Variants in MSRA observed in about 807,000 individuals in gnomAD.
MSRA encodes the protein mitochondrial peptide methionine sulfoxide reductase.
A neutral mutation model predicts 31.3 loss-of-function variants in MSRA; 54 were observed. The ratio of observed to expected loss-of-function variants is 1.73; its 90% CI spans 1.39 to 2.17. The LOEUF (loss-of-function observed/expected upper bound fraction) is 2.17. Among genes scored for constraint, MSRA ranks in the 30% most tolerant of loss-of-function variants. The pLI is 0.00. For missense variants in MSRA, 507 were observed against 300.9 expected, an observed-to-expected ratio of 1.69 and a Z score of -5.07; for synonymous variants, 169 against 116.5, an observed-to-expected ratio of 1.45 and a Z score of -2.90.
chr8:10,234,962 C>T (rs563449881), intron 2 of MSRA, among the ~76,000 whole-genome samples: 1 of 152,136 alleles, frequency 6.6e-6, no homozygotes, highest in Middle Eastern at 3.4e-3. Context: ...TCAAAAAATT[C>T]ACAATCACAG....
intron 2 of MSRA, among the ~76,000 whole-genome samples, chr8:10,241,171 T>A (rs1229319416): frequency 6.6e-6 from 1 of 152,182 alleles, no homozygotes. Context: ...TGCAGTGTGC[T>A]TCATTATCAC....
intron 1 of MSRA, among the ~76,000 whole-genome samples, chr8:10,089,551 G>A (rs1260997855): frequency 6.6e-6 from 1 of 152,200 alleles, no homozygotes; most frequent in Non-Finnish European, 1.5e-5. Context: ...AAACCACAGC[G>A]GGTAGACGAG....
chr8:10,095,050 A>T (rs533064221), intron 1 of MSRA, among the ~76,000 whole-genome samples: 1 of 152,244 alleles, frequency 6.6e-6, no homozygotes, highest in Admixed American at 6.5e-5. Context: ...TCCATAGGAT[A>T]AAGCATGACA....
At chr8:10,273,109 G>C (rs2129101805) in intron 3 of MSRA, among the ~76,000 whole-genome samples, 1 of 152,270 alleles carries the variant, frequency 6.6e-6, no homozygotes, top group East Asian at 1.9e-4. Flanking sequence ...GCATATTTGA[G>C]ACTACAGATA....
chr8:10,133,111 G>A (rs1585221708), intron 1 of MSRA, among the ~76,000 whole-genome samples: 1 of 152,196 alleles, frequency 6.6e-6, no homozygotes, highest in Non-Finnish European at 1.5e-5. Context: ...CTGGGAAGTG[G>A]TCTGGTTCCT....
At chr8:10,148,008 T>A (rs1400845666) in intron 1 of MSRA, among the ~76,000 whole-genome samples, 1 of 152,172 alleles carries the variant, frequency 6.6e-6, no homozygotes, top group Non-Finnish European at 1.5e-5. Context: ...ACCTGTGCAC[T>A]TGGCCACAGT....
intron 5 of MSRA, among the ~76,000 whole-genome samples, chr8:10,370,388 C>T (rs1241814627): frequency 6.6e-6 from 1 of 152,210 alleles, no homozygotes; most frequent in Non-Finnish European, 1.5e-5. Context: ...GGTGGCATAG[C>T]ATACGGGCGG....
chr8:10,167,411 G>T (rs1805238965), intron 1 of MSRA, among the ~76,000 whole-genome samples: 1 of 152,194 alleles, frequency 6.6e-6, no homozygotes, highest in South Asian at 2.1e-4. Context: ...TCACTTTTAA[G>T]TATGACAAGG....
intron 5 of MSRA, among the ~76,000 whole-genome samples, chr8:10,356,619 G>C (rs1804522713): frequency 6.6e-6 from 1 of 152,196 alleles, no homozygotes; most frequent in South Asian, 2.1e-4. Flanking sequence ...AGGTGATTTG[G>C]TTGTGAGAGT....
chr8:10,330,030 G>GTGTA, intron 5 of MSRA, among the ~76,000 whole-genome samples: 2 of 150,760 alleles, frequency 1.3e-5, no homozygotes, highest in Non-Finnish European at 3.0e-5. Flanking sequence ...GTGTGTGTGT[G>GTGTA]TGTGTGTGTG....
chr8:10,420,549 T>TG (rs1388498464), intron 5 of MSRA, among the ~76,000 whole-genome samples: 1 of 152,148 alleles, frequency 6.6e-6, no homozygotes, highest in Non-Finnish European at 1.5e-5. Flanking sequence ...TCCTTCATGT[T>TG]GGGGTCTCAC....
At chr8:10,281,141 G>C (rs1253891722) in intron 3 of MSRA, among the ~76,000 whole-genome samples, 1 of 152,176 alleles carries the variant, frequency 6.6e-6, no homozygotes, top group African/African-American at 2.4e-5. Context: ...TAAATAGGTG[G>C]ATTGTATAGT....
At chr8:10,255,537 C>T (rs938427851) in intron 3 of MSRA, among the ~76,000 whole-genome samples, 3 of 152,190 alleles carry the variant, frequency 2.0e-5, no homozygotes, top group Non-Finnish European at 4.4e-5. Flanking sequence ...CACACCAGTG[C>T]CCCTGTCAGC....
intron 1 of MSRA, among the ~76,000 whole-genome samples, chr8:10,135,781 C>T (rs562059804): frequency 2.6e-5 from 4 of 152,286 alleles, no homozygotes; most frequent in East Asian, 3.9e-4. Context: ...TTTGCATATA[C>T]GCAAACTGGC....
intron 1 of MSRA, among the ~76,000 whole-genome samples, chr8:10,089,598 TAAA>T (rs1462585377): frequency 6.6e-6 from 1 of 152,208 alleles, no homozygotes; most frequent in Non-Finnish European, 1.5e-5. Context: ...TGTGTTGCTA[TAAA>T]GGAATACTTG....
chr8:10,087,662 C>T (rs892871608), intron 1 of MSRA, among the ~76,000 whole-genome samples: 6 of 152,120 alleles, frequency 3.9e-5, no homozygotes, highest in African/African-American at 1.4e-4. Flanking sequence ...GAGTGGTTGC[C>T]TGTCTCAGTG....
At chr8:10,159,405 A>G (rs952621434) in intron 1 of MSRA, among the ~76,000 whole-genome samples, 1 of 152,294 alleles carries the variant, frequency 6.6e-6, no homozygotes, top group Non-Finnish European at 1.5e-5. Flanking sequence ...GTTAATATAT[A>G]TCAGCAGTAT....
intron 3 of MSRA, among the ~76,000 whole-genome samples, chr8:10,259,928 C>A: frequency 6.6e-6 from 1 of 152,232 alleles, no homozygotes; most frequent in South Asian, 2.1e-4. Context: ...GGTGGGTGTT[C>A]TGCTGTTCAC....
intron 1 of MSRA, among the ~76,000 whole-genome samples, chr8:10,131,562 A>G (rs1268530143): frequency 6.6e-6 from 1 of 152,174 alleles, no homozygotes; most frequent in East Asian, 1.9e-4. Flanking sequence ...ATGATCCTGG[A>G]TTTACTGCTC....
Sources: allele counts gnomAD v4.1 joint callset (sites outside exome capture counted in the v4.1 genomes callset), GRCh38; gene constraint gnomAD v4.1.1; transcripts MANE v1.5; gene names NCBI Gene and HGNC (gene_info 2026-07-23, HGNC 2026-07-21).